Variants in CDH9 observed in about 807,000 individuals in gnomAD.
CDH9 encodes cadherin-9.
In CDH9, 28 loss-of-function variants were observed where a neutral mutation model predicts 70.9. The ratio of observed to expected loss-of-function variants is 0.40; its 90% confidence interval spans 0.29 to 0.54. The LOEUF (loss-of-function observed/expected upper bound fraction) is 0.54, where lower values mean the gene tolerates loss of function less well. CDH9 is among the 20% of genes least tolerant of loss of function. The probability of loss-of-function intolerance (pLI) is 0.59; values close to 1 mark genes in which losing one functional copy is unlikely to be tolerated. For synonymous variants in CDH9, 409 were observed against 343.1 expected, an observed-to-expected ratio of 1.19 and a Z score of -2.12; for missense variants, 874 against 984.4, an observed-to-expected ratio of 0.89 and a Z score of 1.50.
chr5:27,033,976 G>T (rs1043398042), intron 1 of CDH9, among the ~76,000 whole-genome samples: 1 of 151,246 alleles, frequency 6.6e-6, no homozygotes, highest in Admixed American at 6.6e-5. Flanking sequence ...TACAGCTTCC[G>T]GTGTATATGC....
chr5:26,990,029 G>C (rs1742555156), intron 1 of CDH9, among the ~76,000 whole-genome samples: 1 of 152,108 alleles, frequency 6.6e-6, no homozygotes, highest in South Asian at 2.1e-4. Flanking sequence ...ATAAGTATTA[G>C]AACCAGGTTT....
intron 11 of CDH9, 129 bp downstream of exon 11, chr5:26,885,485 G>T (rs1026008211): frequency 3.4e-5 from 28 of 830,564 alleles, no homozygotes; most frequent in Non-Finnish European, 4.6e-5. Flanking sequence ...ATTGAAAGAA[G>T]AATTTTAATA....
intron 1 of CDH9, among the ~76,000 whole-genome samples, chr5:26,993,569 AG>A (rs1742615939): frequency 6.6e-6 from 1 of 152,012 alleles, no homozygotes; most frequent in Non-Finnish European, 1.5e-5. Flanking sequence ...TGTGAACCAT[AG>A]ACTTAATATG....
rs146530792 is a variant in CDH9, at chr5:26,997,911, G to A, written c.-49-9529C>T. On this transcript the variant is annotated intron_variant, in intron 1 of 11. Transcript: ENST00000231021. ...GAAGGTGTTTCACCATGTTAGCCCG[G>A]ATGGTCTCGATCTCTTGACCTCATG... Among the ~76,000 whole-genome samples, 833 of 152,232 alleles carry A rather than the reference G, an allele frequency of 5.5e-3. 7 individuals are homozygous for A. The highest frequency in any genetic ancestry group is 0.019 in the African/African-American group (783 of 41,554).
chr5:26,910,686 T>A (rs1352744252), intron 3 of CDH9, among the ~76,000 whole-genome samples: 4 of 152,302 alleles, frequency 2.6e-5, no homozygotes, highest in African/African-American at 7.2e-5. Flanking sequence ...CTAAGGCCTG[T>A]CTTTTGAGCA....
intron 2 of CDH9, among the ~76,000 whole-genome samples, chr5:26,974,810 C>T (rs190154060): frequency 1.6e-5 from 2 of 126,584 alleles, no homozygotes; most frequent in Admixed American, 1.5e-4. Context: ...ATATAGTTAC[C>T]CTTTTGTGTG....
chr5:26,929,201 AAG>A (rs1175540737), intron 2 of CDH9, among the ~76,000 whole-genome samples: 1 of 152,132 alleles, frequency 6.6e-6, no homozygotes, highest in East Asian at 1.9e-4. Context: ...ACATTTTCAA[AAG>A]AATAAATGCA....
intron 7 of CDH9, among the ~76,000 whole-genome samples, chr5:26,901,789 A>G (rs1442396027): frequency 6.6e-6 from 1 of 151,852 alleles, no homozygotes; most frequent in Non-Finnish European, 1.5e-5. Context: ...TATTTCTGAC[A>G]TATTTAAAAC....
At chr5:26,894,983 C>A (rs976538094) in intron 7 of CDH9, among the ~76,000 whole-genome samples, 1 of 151,988 alleles carries the variant, frequency 6.6e-6, no homozygotes, top group African/African-American at 2.4e-5. Flanking sequence ...TTATGTTCTA[C>A]CATTAAAAGT....
intron 1 of CDH9, among the ~76,000 whole-genome samples, chr5:27,007,321 G>A (rs908643425): frequency 2.0e-5 from 3 of 152,136 alleles, no homozygotes; most frequent in African/African-American, 4.8e-5. Flanking sequence ...ATGTCTGTGG[G>A]TAGGGAGGGG....
At chr5:27,020,816 G>T (rs1338492949) in intron 1 of CDH9, among the ~76,000 whole-genome samples, 1 of 151,412 alleles carries the variant, frequency 6.6e-6, no homozygotes, top group Non-Finnish European at 1.5e-5. Flanking sequence ...AATGCTTTAA[G>T]TGTAGCTAGT....
rs75272622 is a variant in CDH9 at position 26,921,617 on chromosome 5, G to A, written c.229-5693C>T. On this transcript the variant is annotated intron_variant, in intron 2 of 11. Transcript: ENST00000231021. ...CAATAAAAACCAATGCAGAACTCTCGGGGCTGTTGCTGATTCATTCACTTT... is the reference window on the plus strand; with the variant it reads ...CAATAAAAACCAATGCAGAACTCTCAGGGCTGTTGCTGATTCATTCACTTT... Among the ~76,000 whole-genome samples the A allele has an allele frequency of 5.5e-3, 844 of 152,216 alleles. 9 individuals carry two copies. Among genetic ancestry groups the A allele is most frequent in the Non-Finnish European group, 1.0e-2 (680 of 68,004 alleles).
intron 2 of CDH9, among the ~76,000 whole-genome samples, chr5:26,949,241 T>A (rs1202993181): frequency 6.6e-6 from 1 of 152,162 alleles, no homozygotes; most frequent in Non-Finnish European, 1.5e-5. Flanking sequence ...ATTCTCTAGA[T>A]GTCAAATTTC....
intron 7 of CDH9, among the ~76,000 whole-genome samples, chr5:26,899,001 G>A (rs561127597): frequency 1.1e-4 from 17 of 152,118 alleles, no homozygotes; most frequent in Admixed American, 9.2e-4. Flanking sequence ...CTATCAAAAG[G>A]TGAGTGAAGG....
intron 1 of CDH9, among the ~76,000 whole-genome samples, chr5:26,993,466 T>C (rs2112097240): frequency 6.6e-6 from 1 of 152,136 alleles, no homozygotes; most frequent in Non-Finnish European, 1.5e-5. Flanking sequence ...CTGAAAAATT[T>C]TCAGGCTATT....
chr5:26,945,174 G>A (rs1006493071), intron 2 of CDH9, among the ~76,000 whole-genome samples: 17 of 150,736 alleles, frequency 1.1e-4, no homozygotes, highest in African/African-American at 2.7e-4. Context: ...TCTTAAACCC[G>A]AATTACCCTT....
chr5:26,976,289 T>C (rs75658411), intron 2 of CDH9, among the ~76,000 whole-genome samples: 166 of 152,302 alleles, frequency 1.1e-3, no homozygotes, highest in African/African-American at 3.8e-3. Flanking sequence ...GGATGAAATA[T>C]TGATAATCAG....
chr5:26,934,259 A>T (rs1010935765), intron 2 of CDH9, among the ~76,000 whole-genome samples: 1 of 152,086 alleles, frequency 6.6e-6, no homozygotes, highest in Admixed American at 6.6e-5. Context: ...TGACCCCATG[A>T]GTTTGTGACC....
intron 3 of CDH9, among the ~76,000 whole-genome samples, chr5:26,909,420 A>T (rs995555118): frequency 2.0e-5 from 3 of 151,820 alleles, no homozygotes; most frequent in South Asian, 2.1e-4. Context: ...TAAATATTTT[A>T]TTTTCATATT....
Sources: gnomAD v4.1 joint callset for allele counts (sites outside exome capture counted in the v4.1 genomes callset) on GRCh38, gnomAD v4.1.1 for gene constraint, MANE v1.5 for transcripts, NCBI Gene and HGNC (gene_info 2026-07-23, HGNC 2026-07-21) for gene names.